Variants in EPRS1 observed in about 807,000 individuals in gnomAD.
EPRS1 encodes glutamyl-prolyl-tRNA synthetase 1, also known as bifunctional glutamate/proline--tRNA ligase.
Under a neutral mutation model 188.3 loss-of-function variants are expected in EPRS1, and 107 were observed. The ratio of observed to expected loss-of-function variants is 0.57; its 90% confidence interval spans 0.49 to 0.67. EPRS1 has a LOEUF of 0.67. Among genes scored for constraint, EPRS1 ranks in the 30% least tolerant of loss-of-function variants. The pLI, the probability that EPRS1 is intolerant of heterozygous loss-of-function variation, is 0.00. For synonymous variants in EPRS1, 596 were observed against 593.1 expected, an observed-to-expected ratio of 1.00 and a Z score of -0.07; for missense variants, 1,577 against 1,802.2, an observed-to-expected ratio of 0.88 and a Z score of 2.26.
intron 18 of EPRS1, among the ~76,000 whole-genome samples, 172 bp downstream of exon 18, chr1:219,996,811 T>C (rs1661243182): frequency 1.3e-5 from 2 of 152,162 alleles, no homozygotes; most frequent in Admixed American, 1.3e-4. Flanking sequence ...CTCCACTAGA[T>C]TATGAGCTTC....
intron 28 of EPRS1, among the ~76,000 whole-genome samples, chr1:219,973,959 G>A (rs1231544553): frequency 6.6e-6 from 1 of 151,522 alleles, no homozygotes; most frequent in Non-Finnish European, 1.5e-5. Flanking sequence ...TTTTTTGTTT[G>A]TTTGAAGACA....
In EPRS1 at chr1:220,007,189, A is replaced by C. The variant is rs1661504949; in HGVS notation, c.1742+13T>G. 1 of 1,599,372 alleles carries C rather than the reference A, an allele frequency of 6.3e-7. No homozygotes were observed. Among genetic ancestry groups the C allele is most frequent in the Admixed American group, 1.7e-5 (1 of 57,152 alleles). On this transcript the variant is annotated intron_variant, in intron 14 of 31. Coordinates refer to ENST00000366923, the MANE Select transcript of EPRS1 (RefSeq NM_004446.3). ...CTCCTATGTTTATTTGAAAACAAAC[A>C]AAAAGTTCTTACTTGTGTATTTTTG...
rs1201608014 is a variant in EPRS1, at chr1:220,010,955, T to C, written c.1596A>G (p.Lys532=). The part of the protein sequence containing the change: ...EAQEEMKEVA[K]HPKNPEVGLK... ...AAACTGTAAGAGTGACCTTTGGGTGTTTGGCTACTTCTTTCATCTCCTCCT... is the reference window on the plus strand; with the variant it reads ...AAACTGTAAGAGTGACCTTTGGGTGCTTGGCTACTTCTTTCATCTCCTCCT... The change falls in exon 13 of 32, where the codon AAA becomes AAG. Residue 532 remains lysine, a synonymous_variant. Coordinates refer to ENST00000366923, the MANE Select transcript of EPRS1 (RefSeq NM_004446.3). The C allele has an allele frequency of 6.3e-7, 1 of 1,598,276 alleles. No individual in the cohort carries two copies. Among genetic ancestry groups the C allele is most frequent in the South Asian group, 1.1e-5 (1 of 90,740 alleles).
At chr1:220,013,071 C>T (rs1289921918) in intron 12 of EPRS1, among the ~76,000 whole-genome samples, 1 of 152,108 alleles carries the variant, frequency 6.6e-6, no homozygotes, top group East Asian at 1.9e-4. Context: ...AAAACTAAAG[C>T]AGTCAATAAG....
At position 220,008,971 on chromosome 1, in the gene EPRS1, A is replaced by G. The variant is rs1175447368; in HGVS notation, c.1606-1633T>C. ...GATTACAGGCATAAGCCACCAACCTAGCAATTTAATCTAAACTATCAGACC... is the reference window on the plus strand; with the variant it reads ...GATTACAGGCATAAGCCACCAACCTGGCAATTTAATCTAAACTATCAGACC... On this transcript the variant is annotated intron_variant, in intron 13 of 31. Coordinates refer to ENST00000366923, the MANE Select transcript of EPRS1 (RefSeq NM_004446.3). Among the ~76,000 whole-genome samples, 3 of 152,184 alleles carry G rather than the reference A, an allele frequency of 2.0e-5. No homozygotes were observed. The East Asian group carries it at 5.8e-4, about 29-fold the overall frequency.
chr1:219,975,301 A>G (rs1251095361), intron 28 of EPRS1, among the ~76,000 whole-genome samples: 1 of 152,140 alleles, frequency 6.6e-6, no homozygotes, highest in Non-Finnish European at 1.5e-5. Flanking sequence ...GCAACGAGAG[A>G]TTGGTGGCAT....
chr1:220,035,136 A>G (rs1335784302), intron 2 of EPRS1, 123 bp from the exon 3 acceptor site: 2 of 582,996 alleles, frequency 3.4e-6, no homozygotes, highest in East Asian at 6.2e-5. Flanking sequence ...CTACTATAGT[A>G]AAAAATAGAT....
intron 2 of EPRS1, among the ~76,000 whole-genome samples, chr1:220,036,395 C>A (rs1662180840): frequency 6.6e-6 from 1 of 152,046 alleles, no homozygotes; most frequent in Admixed American, 6.6e-5. Flanking sequence ...ATGTTCACTG[C>A]AGCGCTATTC....
intron 12 of EPRS1, 50 bp from the exon 13 acceptor site, chr1:220,011,106 G>T: frequency 1.9e-6 from 2 of 1,042,268 alleles, no homozygotes; most frequent in Non-Finnish European, 1.5e-6. Flanking sequence ...CTTATAGAGC[G>T]CCATAAGCAA....
intron 30 of EPRS1, 113 bp from the exon 31 acceptor site, chr1:219,969,235 A>C: frequency 1.4e-6 from 1 of 733,724 alleles, no homozygotes; most frequent in Non-Finnish European, 2.3e-6. Context: ...AGGTCTCCCA[A>C]CCTTTTTTCA....
Position 219,972,218 on chromosome 1 carries a change from A to C in EPRS1, c.4245-71T>G, listed in dbSNP as rs1024906056. 11 of 973,240 alleles carry C rather than the reference A, an allele frequency of 1.1e-5. No individual in the cohort carries two copies. In the African/African-American group the frequency reaches 1.5e-4, roughly 13 times the overall value. The allele number at this position is 973,240 out of a possible 1,614,324, so 60.3% of individuals were successfully genotyped here. On this transcript the variant is annotated intron_variant, in intron 29 of 31. Transcript: ENST00000366923. ...ATGACAAAGTTTTATGAAACACATA[A>C]GCACAATTTAATGAAAAGACAACCT...
chr1:220,040,359 C>G (rs930529443), intron 1 of EPRS1, 90 bp from the exon 2 acceptor site: 14 of 852,988 alleles, frequency 1.6e-5, no homozygotes, highest in Non-Finnish European at 2.7e-5. Context: ...AGTCAACAAA[C>G]CAATATTAAG....
At chr1:219,984,177 A>C in intron 21 of EPRS1, 29 bp downstream of exon 21, 1 of 1,572,826 alleles carries the variant, frequency 6.4e-7, no homozygotes, top group Non-Finnish European at 8.7e-7. Context: ...CAGACTTAAA[A>C]CATAAAAATC....
At chr1:220,006,415 T>G in intron 14 of EPRS1, 102 bp from the exon 15 acceptor site, 3 of 339,076 alleles carry the variant, frequency 8.8e-6, no homozygotes, top group Non-Finnish European at 9.8e-6. Flanking sequence ...AAATAATTTA[T>G]TGTTTTATTT....
chr1:220,008,104 CACCAAAAAAAAAAA>C (rs1430857695), intron 13 of EPRS1, among the ~76,000 whole-genome samples: 2 of 88,612 alleles, frequency 2.3e-5, no homozygotes, highest in African/African-American at 1.0e-4. Flanking sequence ...GAGACTCCGT[CACCAAAAAAAAAAA>C]AAAAAAAAAA....
intron 1 of EPRS1, among the ~76,000 whole-genome samples, chr1:220,044,709 A>AAAAAAAAAAAAC: frequency 1.4e-5 from 2 of 143,856 alleles, no homozygotes; most frequent in African/African-American, 5.3e-5. Context: ...AAAAAAAAAA[A>AAAAAAAAAAAAC]AAAACAGTAT....
At chr1:219,989,537 T>C (rs1449844033) in intron 18 of EPRS1, among the ~76,000 whole-genome samples, 1 of 152,000 alleles carries the variant, frequency 6.6e-6, no homozygotes, top group Non-Finnish European at 1.5e-5. Context: ...TCAAAATAGA[T>C]AGGAAAAGTG....
intron 21 of EPRS1, among the ~76,000 whole-genome samples, chr1:219,983,872 A>G (rs1385448996): frequency 1.4e-5 from 2 of 146,612 alleles, no homozygotes; most frequent in East Asian, 2.0e-4. Flanking sequence ...CAGCCTAGGC[A>G]ACAGACTGAT....
chr1:220,019,769 T>C (rs1403727271), intron 10 of EPRS1, among the ~76,000 whole-genome samples: 2 of 152,208 alleles, frequency 1.3e-5, no homozygotes, highest in Non-Finnish European at 2.9e-5. Flanking sequence ...TGTGTGTTTT[T>C]CATTCCATGA....
Sources: allele counts gnomAD v4.1 joint callset (sites outside exome capture counted in the v4.1 genomes callset), GRCh38; gene constraint gnomAD v4.1.1; transcripts MANE v1.5; gene names NCBI Gene and HGNC (gene_info 2026-07-23, HGNC 2026-07-21).